Variants in ISM1 observed in about 807,000 individuals in gnomAD.
ISM1 encodes isthmin 1.
A neutral mutation model predicts 46.3 loss-of-function variants in ISM1; 25 were observed. The ratio of observed to expected loss-of-function variants is 0.54; its 90% CI spans 0.39 to 0.75. The LOEUF (loss-of-function observed/expected upper bound fraction) is 0.75. Ranked by LOEUF, ISM1 falls within the 30% of genes least tolerant of loss-of-function variation. ISM1 has a pLI of 0.00. For synonymous variants in ISM1, 255 were observed against 256.7 expected (o/e 0.99, Z 0.06); for missense variants, 536 against 625.4 (o/e 0.86, Z 1.52).
the ISM1 span, among the ~76,000 whole-genome samples, chr20:13,311,250 TAGATAGATA>T: frequency 3.1e-5 from 4 of 127,748 alleles, no homozygotes; most frequent in Non-Finnish European, 6.7e-5. Context: ...AGATGATAGA[TAGATAGATA>T]GATAGATAGA....
At chr20:13,324,823 C>T in the ISM1 span, among the ~76,000 whole-genome samples, 6 of 152,136 alleles carry the variant, frequency 3.9e-5, no homozygotes, top group African/African-American at 1.2e-4. Context: ...TGGAAGCACG[C>T]TTAGAAATAA....
intron 3 of ISM1, among the ~76,000 whole-genome samples, chr20:13,286,323 G>A (rs573797067): frequency 2.7e-4 from 41 of 151,828 alleles, no homozygotes; most frequent in African/African-American, 8.2e-4. Context: ...CAAAGTTCTC[G>A]GTGGGAGCAG....
At chr20:13,286,944 G>A (rs373091569) in intron 3 of ISM1, among the ~76,000 whole-genome samples, 113 of 152,330 alleles carry the variant, frequency 7.4e-4, no homozygotes, top group Non-Finnish European at 1.4e-3. Flanking sequence ...GAAGATCTGG[G>A]TAAACCAGGA....
chr20:13,310,647 G>A, the ISM1 span, among the ~76,000 whole-genome samples: 2 of 152,280 alleles, frequency 1.3e-5, no homozygotes, highest in Non-Finnish European at 2.9e-5. Context: ...TATGGGCTGA[G>A]AGAAAATACT....
intron 1 of ISM1, among the ~76,000 whole-genome samples, chr20:13,250,757 T>C (rs1242039586): frequency 2.0e-5 from 3 of 152,188 alleles, no homozygotes; most frequent in Non-Finnish European, 4.4e-5. Flanking sequence ...CTCTCAGTAA[T>C]TACATATTGA....
In ISM1 at chr20:13,270,727, A is replaced by G. The variant is rs1430570846; in HGVS notation, c.362A>G (p.Gln121Arg). ...PDLSKADING[Q>R]NPNIQVTIEV... ...CTTTCCAAAGCTGATATCAATGGGC[A>G]GAATCCAAATATCCAGGTAATTCTT... Residue 121 changes from glutamine (Q) to arginine (R), a missense_variant, in exon 2 of 6, where the codon CAG (glutamine) becomes CGG (arginine). Physicochemically the swap from Gln to Arg is conservative, Grantham distance 43. Coordinates refer to ENST00000262487, the MANE Select transcript of ISM1 (RefSeq NM_080826.2). 1 of 1,613,724 alleles carries G rather than the reference A, an allele frequency of 6.2e-7. No individual in the cohort carries two copies. Among genetic ancestry groups the G allele is most frequent in the Admixed American group, 1.7e-5 (1 of 59,996 alleles).
At chr20:13,309,256 G>T in the ISM1 span, among the ~76,000 whole-genome samples, 1 of 151,610 alleles carries the variant, frequency 6.6e-6, no homozygotes, top group East Asian at 1.9e-4. Flanking sequence ...GTGGAGGAGG[G>T]GATACTTTAG....
intron 1 of ISM1, among the ~76,000 whole-genome samples, chr20:13,227,455 G>A (rs1400285671): frequency 5.1e-5 from 7 of 137,678 alleles, no homozygotes; most frequent in Admixed American, 7.4e-5. Context: ...TGCCCGCCTC[G>A]ACCTCCCAAA....
chr20:13,278,175 A>G (rs2040201920), intron 2 of ISM1, among the ~76,000 whole-genome samples: 1 of 152,170 alleles, frequency 6.6e-6, no homozygotes, highest in African/African-American at 2.4e-5. Context: ...TGCGTCTTTT[A>G]TTATGTTTTT....
intron 1 of ISM1, among the ~76,000 whole-genome samples, chr20:13,265,701 C>T (rs1377181234): frequency 2.0e-5 from 3 of 152,130 alleles, no homozygotes; most frequent in Non-Finnish European, 4.4e-5. Flanking sequence ...AAAGTAATGG[C>T]GGTTTTTGCC....
intron 1 of ISM1, among the ~76,000 whole-genome samples, chr20:13,265,166 C>G (rs536131862): frequency 2.0e-5 from 3 of 152,340 alleles, no homozygotes; most frequent in African/African-American, 7.2e-5. Flanking sequence ...ACAGCTCTGT[C>G]AGACCTGAGA....
chr20:13,307,950 G>C, the ISM1 span, among the ~76,000 whole-genome samples: 264 of 152,320 alleles, frequency 1.7e-3, 4 homozygotes, highest in East Asian at 0.047. Flanking sequence ...AGTGGAATTA[G>C]AAGGTCATAG....
At chr20:13,232,031 C>G (rs1294362205) in intron 1 of ISM1, among the ~76,000 whole-genome samples, 3 of 152,164 alleles carry the variant, frequency 2.0e-5, no homozygotes, top group East Asian at 3.8e-4. Flanking sequence ...CATAAGCATC[C>G]AGGTAGAATA....
chr20:13,288,336 G>A (rs1249556054), intron 3 of ISM1, among the ~76,000 whole-genome samples: 1 of 152,188 alleles, frequency 6.6e-6, no homozygotes. Flanking sequence ...CCACCACAGT[G>A]CCCAAAACCT....
At chr20:13,296,434 A>G (rs2040407772) in intron 5 of ISM1, among the ~76,000 whole-genome samples, 1 of 152,214 alleles carries the variant, frequency 6.6e-6, no homozygotes, top group Admixed American at 6.5e-5. Flanking sequence ...TATTGCAGGG[A>G]GGCAAGGGAT....
At chr20:13,256,717 C>T (rs533639551) in intron 1 of ISM1, among the ~76,000 whole-genome samples, 1 of 152,166 alleles carries the variant, frequency 6.6e-6, no homozygotes, top group Non-Finnish European at 1.5e-5. Flanking sequence ...TCACTCTCCC[C>T]GACAGCTGTT....
chr20:13,237,646 G>A (rs2039667360), intron 1 of ISM1, among the ~76,000 whole-genome samples: 1 of 152,164 alleles, frequency 6.6e-6, no homozygotes, highest in South Asian at 2.1e-4. Flanking sequence ...GGTGTCTTCA[G>A]TTTGTGAAAT....
At chr20:13,295,441 T>TGCCC (rs1252602602) in intron 5 of ISM1, among the ~76,000 whole-genome samples, 1 of 152,188 alleles carries the variant, frequency 6.6e-6, no homozygotes, top group Non-Finnish European at 1.5e-5. Flanking sequence ...GAACATGTCA[T>TGCCC]GCCCCAGCCC....
chr20:13,251,120 A>G (rs1478218776), intron 1 of ISM1, among the ~76,000 whole-genome samples: 2 of 152,150 alleles, frequency 1.3e-5, no homozygotes, highest in Non-Finnish European at 2.9e-5. Context: ...TTAATTATTC[A>G]GAGATCAATC....
Sources: gnomAD v4.1 joint callset for allele counts (sites outside exome capture counted in the v4.1 genomes callset) on GRCh38, gnomAD v4.1.1 for gene constraint, MANE v1.5 for transcripts, NCBI Gene and HGNC (gene_info 2026-07-23, HGNC 2026-07-21) for gene names.